ANGPT4: variants seen among roughly 807,000 people sequenced by gnomAD.
ANGPT4 encodes angiopoietin-4.
Under a neutral mutation model 53.0 loss-of-function variants are expected in ANGPT4, and 50 were observed. The observed-to-expected ratio is 0.94, with a 90% CI of 0.75 to 1.20. The LOEUF (loss-of-function observed/expected upper bound fraction) is 1.20. Among genes scored for constraint, ANGPT4 ranks in the 50% most tolerant of loss-of-function variants. The probability of loss-of-function intolerance (pLI) is 0.00; values close to 1 mark genes in which losing one functional copy is unlikely to be tolerated. For synonymous variants in ANGPT4, 251 were observed against 259.7 expected (o/e 0.97, Z 0.32); for missense variants, 648 against 637.1 (o/e 1.02, Z -0.18).
intron 1 of ANGPT4, among the ~76,000 whole-genome samples, chr20:894,372 G>A (rs994478408): frequency 5.9e-5 from 9 of 152,172 alleles, no homozygotes; most frequent in African/African-American, 1.9e-4. Flanking sequence ...GCTGATGACC[G>A]CACTAACTGC....
intron 5 of ANGPT4, among the ~76,000 whole-genome samples, chr20:880,212 C>G (rs1255741953): frequency 6.6e-6 from 1 of 152,150 alleles, no homozygotes; most frequent in Non-Finnish European, 1.5e-5. Flanking sequence ...AGCTCGACCT[C>G]TTTTTGTTGA....
intron 1 of ANGPT4, among the ~76,000 whole-genome samples, chr20:910,152 C>T: frequency 6.6e-6 from 1 of 152,204 alleles, no homozygotes; most frequent in Non-Finnish European, 1.5e-5. Flanking sequence ...CTTTGCCCTT[C>T]TTGGCTGTAA....
chr20:881,344 C>A lies in ANGPT4; in HGVS notation c.836-58G>T, dbSNP rs961091281. 3.3e-6 allele frequency: 5 copies of A among 1,499,784 alleles called. No homozygotes were observed. The African/African-American group carries it at 5.5e-5, about 17-fold the overall frequency. 92.9% of individuals were successfully genotyped at this position (1,499,784 alleles called of 1,614,324 possible). ...GTGGGCAAGGAAAGAGAGAAGGGGC[C>A]AAGTGGGCATGCCTGCCTGCTTTGT... On this transcript the variant is annotated intron_variant, in intron 4 of 8. Transcript: ENST00000381922.
rs760948913 is a variant in ANGPT4, at chr20:873,107, G to A, written c.1365C>T (p.Asp455=). The change falls in exon 9 of 9, where the codon GAC becomes GAT. Residue 455 remains aspartate (D), a synonymous_variant. Coordinates refer to ENST00000381922, the MANE Select transcript of ANGPT4 (RefSeq NM_015985.4). ...AQVMSGGWWF[D]ACGLSNLNGV... is the part of the protein sequence containing the mutation. The stretch of plus-strand genomic sequence containing the variant: ...CGTTGAGGTTTGACAGGCCACAGGC[G>A]TCAAACCACCACCCTGGTGGAAGAG... 2.9e-5 allele frequency: 46 copies of A among 1,613,602 alleles called. No individual in the cohort carries two copies. Among genetic ancestry groups the A allele is most frequent in the Admixed American group, 1.3e-4 (8 of 60,000 alleles).
intron 1 of ANGPT4, among the ~76,000 whole-genome samples, chr20:912,105 T>C (rs1412049211): frequency 6.6e-6 from 1 of 152,142 alleles, no homozygotes; most frequent in East Asian, 1.9e-4. Context: ...TGTCTGGCCC[T>C]GGTTTTCCTC....
At position 872,336 on chromosome 20, in the gene ANGPT4, A is replaced by G. The variant is rs1475336645; in HGVS notation, c.*624T>C. 1.3e-5 allele frequency: 2 copies of G among 152,120 alleles called. No homozygotes were observed. The highest frequency in any genetic ancestry group is 2.9e-5 in the Non-Finnish European group (2 of 68,040). The allele number at this position is 152,120 out of a possible 1,614,324, so 9.4% of individuals were successfully genotyped here. A position where few individuals can be genotyped will look rare whatever the true frequency, so the allele number is the denominator to read the frequency against. On this transcript the variant is annotated 3_prime_UTR_variant, in exon 9 of 9. Transcript: ENST00000381922. Reference sequence around the variant, plus strand: ...CTGAGCTCCAAACATTGGAGCCTAGAAGTGGTGAAGTGGTAAAGCCTAGAA... The same window carrying G: ...CTGAGCTCCAAACATTGGAGCCTAGGAGTGGTGAAGTGGTAAAGCCTAGAA...
At position 888,368 on chromosome 20, in the gene ANGPT4, G is replaced by T. The variant is rs544504602; in HGVS notation, c.537C>A (p.Asn179Lys). 1 of 1,613,896 alleles carries T rather than the reference G, an allele frequency of 6.2e-7. No homozygotes were observed. Among genetic ancestry groups the T allele is most frequent in the Non-Finnish European group, 8.5e-7 (1 of 1,179,978 alleles). ...GCTTCTGCCTCTGTAGCAGCAGCTG[G>T]TTCTCCAGCTTGTTGGTGGACAGAA... ...ETFLSTNKLE[N>K]QLLLQRQKLQ... Residue 179 changes from asparagine to lysine, a missense_variant, in exon 3 of 9, where the codon AAC becomes AAA. Transcript: ENST00000381922.
intron 1 of ANGPT4, among the ~76,000 whole-genome samples, chr20:915,512 A>G (rs73565264): frequency 0.11 from 16,033 of 152,168 alleles, 1,288 homozygotes; most frequent in African/African-American, 0.22. Context: ...GCAGCCACCC[A>G]GGGCCGCCAC....
In ANGPT4 at chr20:879,377, A is replaced by G. The variant is rs190937056; in HGVS notation, c.1053+370T>C. 2.2e-4 allele frequency among the ~76,000 whole-genome samples: 33 copies of G among 152,308 alleles called. 1 individual carries two copies. The East Asian group carries it at 6.2e-3, about 28-fold the overall frequency. On this transcript the variant is annotated intron_variant, in intron 6 of 8. Transcript: ENST00000381922. Reference sequence around the variant, plus strand: ...CCTCGTTAATGAATCTCTCCTGCAGATATGATCATAGACGTATGAAAAGAC... The same window carrying G: ...CCTCGTTAATGAATCTCTCCTGCAGGTATGATCATAGACGTATGAAAAGAC...
At chr20:897,125 G>T (rs571830437) in intron 1 of ANGPT4, among the ~76,000 whole-genome samples, 126 of 152,064 alleles carry the variant, frequency 8.3e-4, no homozygotes, top group South Asian at 1.7e-3. Context: ...CTATAAAACT[G>T]CCCACCCCAT....
intron 7 of ANGPT4, among the ~76,000 whole-genome samples, chr20:876,182 G>A (rs1404673818): frequency 1.3e-5 from 2 of 151,424 alleles, no homozygotes; most frequent in African/African-American, 4.9e-5. Context: ...CTTGCTGGGT[G>A]GAGGCAAGTG....
intron 1 of ANGPT4, 141 bp from the exon 2 acceptor site, chr20:890,509 A>G: frequency 1.4e-6 from 1 of 722,288 alleles, no homozygotes; most frequent in Non-Finnish European, 2.2e-6. Flanking sequence ...TCAGGCCACC[A>G]TTACGTCTTG....
intron 1 of ANGPT4, among the ~76,000 whole-genome samples, chr20:913,690 G>A (rs1400557534): frequency 6.6e-6 from 1 of 152,232 alleles, no homozygotes; most frequent in African/African-American, 2.4e-5. Context: ...GGTGAGACTT[G>A]GGGTAGGAGG....
Position 888,442 on chromosome 20 carries a change from G to T in ANGPT4, c.466-3C>A. The T allele has an allele frequency of 1.9e-6, 3 of 1,610,162 alleles. No individual in the cohort carries two copies. Among genetic ancestry groups the T allele is most frequent in the East Asian group, 2.2e-5 (1 of 44,762 alleles). ...ATTCTTGATGTCTGGTTCAGGAGCT[G>T]CCCCAGCAAGCAGAAGCAGGTAGGG... On this transcript the variant is annotated splice_region_variant and splice_polypyrimidine_tract_variant and intron_variant, in intron 2 of 8. Coordinates refer to ENST00000381922, the MANE Select transcript of ANGPT4 (RefSeq NM_015985.4).
chr20:895,041 G>A (rs1361614645), intron 1 of ANGPT4, among the ~76,000 whole-genome samples: 1 of 152,160 alleles, frequency 6.6e-6, no homozygotes, highest in Non-Finnish European at 1.5e-5. Context: ...TGGGCCAGAT[G>A]GGCTCAGTTA....
chr20:896,104 A>G (rs1341651528), intron 1 of ANGPT4, among the ~76,000 whole-genome samples: 1 of 152,206 alleles, frequency 6.6e-6, no homozygotes, highest in African/African-American at 2.4e-5. Context: ...AATGCCGCAG[A>G]TATACATATG....
chr20:915,936 T>C lies in ANGPT4; in HGVS notation c.279A>G (p.Ala93=), dbSNP rs199745156. 6.5e-5 allele frequency: 104 copies of C among 1,599,950 alleles called. No homozygotes were observed. The highest frequency in any genetic ancestry group is 8.4e-5 in the Non-Finnish European group (98 of 1,171,144). ...PTQQVKQLEQ[A]LQNNTQWLKK... is the part of the protein sequence containing the mutation. Reference sequence around the variant, plus strand: ...TCAGCCACTGCGTGTTGTTCTGCAGTGCCTGCTCCAGCTGTTTCACCTGCT... The same window carrying C: ...TCAGCCACTGCGTGTTGTTCTGCAGCGCCTGCTCCAGCTGTTTCACCTGCT... The change falls in exon 1 of 9, where the codon GCA becomes GCG. Residue 93 remains alanine, a synonymous_variant. Coordinates refer to ENST00000381922, the MANE Select transcript of ANGPT4 (RefSeq NM_015985.4).
At chr20:888,265 C>T (rs1356932761) in intron 3 of ANGPT4, 53 bp downstream of exon 3, 7 of 1,577,234 alleles carry the variant, frequency 4.4e-6, no homozygotes, top group African/African-American at 1.4e-5. Context: ...AGGTCCTAAA[C>T]TTGACTCCAG....
chr20:892,113 C>A (rs1011971358), intron 1 of ANGPT4, among the ~76,000 whole-genome samples: 1 of 151,326 alleles, frequency 6.6e-6, no homozygotes, highest in Non-Finnish European at 1.5e-5. Context: ...CACAAACATG[C>A]GCTAACAGCT....
Sources: gnomAD v4.1 joint callset for allele counts (sites outside exome capture counted in the v4.1 genomes callset) on GRCh38, gnomAD v4.1.1 for gene constraint, MANE v1.5 for transcripts, NCBI Gene and HGNC (gene_info 2026-07-23, HGNC 2026-07-21) for gene names.